The following MAD1L1 variants were observed in gnomAD, a reference collection of about 807,000 sequenced individuals.
The protein encoded by MAD1L1 is mitotic arrest deficient 1 like 1, also known as mitotic spindle assembly checkpoint protein MAD1.
In MAD1L1, 95 loss-of-function variants were observed where a neutral mutation model predicts 96.9. The observed-to-expected ratio is 0.98, with a 90% CI of 0.83 to 1.16. The LOEUF (loss-of-function observed/expected upper bound fraction) is 1.16. Ranked by LOEUF, MAD1L1 falls within the 50% of genes most tolerant of loss-of-function variation. MAD1L1 has a pLI of 0.00. For synonymous variants in MAD1L1, 473 were observed against 396.6 expected (o/e 1.19, Z -2.29); for missense variants, 1,007 against 954.4 (o/e 1.06, Z -0.73).
intron 11 of MAD1L1, among the ~76,000 whole-genome samples, chr7:2,079,038 G>T (rs1264613732): frequency 6.6e-6 from 1 of 152,160 alleles, no homozygotes; most frequent in Non-Finnish European, 1.5e-5. Flanking sequence ...GGCAAGTGCA[G>T]GGGCTTGGCC....
At chr7:1,955,072 C>T (rs1408561426) in intron 16 of MAD1L1, among the ~76,000 whole-genome samples, 3 of 152,220 alleles carry the variant, frequency 2.0e-5, no homozygotes, top group Admixed American at 6.5e-5. Context: ...CAGCGGCACT[C>T]GCGCCCAGCT....
intron 18 of MAD1L1, among the ~76,000 whole-genome samples, chr7:1,860,121 T>C (rs536662358): frequency 2.8e-5 from 4 of 142,630 alleles, no homozygotes; most frequent in Admixed American, 2.1e-4. Context: ...TCTGTGTCCC[T>C]AGACCTGACA....
chr7:2,063,169 A>G (rs891159732), intron 12 of MAD1L1, among the ~76,000 whole-genome samples: 2 of 152,216 alleles, frequency 1.3e-5, no homozygotes, highest in South Asian at 2.1e-4. Flanking sequence ...TATATGTTCT[A>G]TATGATCTTT....
At chr7:2,082,261 C>T (rs1405610718) in intron 11 of MAD1L1, among the ~76,000 whole-genome samples, 1 of 151,518 alleles carries the variant, frequency 6.6e-6, no homozygotes. Flanking sequence ...ACCAGAAAAG[C>T]CAGGGAAGGA....
intron 18 of MAD1L1, among the ~76,000 whole-genome samples, chr7:1,891,037 C>T (rs1262179895): frequency 6.6e-6 from 1 of 152,206 alleles, no homozygotes; most frequent in Non-Finnish European, 1.5e-5. Flanking sequence ...GCCACCTCCC[C>T]TTCCCCTGCT....
chr7:1,850,227 G>A (rs574150900), intron 18 of MAD1L1, among the ~76,000 whole-genome samples: 1 of 152,230 alleles, frequency 6.6e-6, no homozygotes, highest in African/African-American at 2.4e-5. Context: ...CAACAGGACG[G>A]AACCGACAGG....
chr7:1,918,930 T>C (rs1245348919), intron 17 of MAD1L1, among the ~76,000 whole-genome samples: 1 of 150,096 alleles, frequency 6.7e-6, no homozygotes, highest in Non-Finnish European at 1.5e-5. Flanking sequence ...TGAGAGCACG[T>C]GGCAGGGCAG....
chr7:2,227,892 C>A (rs1234005833), intron 3 of MAD1L1, among the ~76,000 whole-genome samples: 2 of 152,172 alleles, frequency 1.3e-5, no homozygotes, highest in Non-Finnish European at 2.9e-5. Context: ...GAGCTGACTA[C>A]AACGGAAAGA....
chr7:1,980,421 G>A, intron 15 of MAD1L1, 32 bp downstream of exon 15: 1 of 1,571,436 alleles, frequency 6.4e-7, no homozygotes, highest in East Asian at 2.3e-5. Flanking sequence ...GGACACACCT[G>A]GGCGTGTCCG....
chr7:1,870,576 G>GCCTGCCACGCTGAACCCACCGTAACA (rs1785010703), intron 18 of MAD1L1, among the ~76,000 whole-genome samples: 1 of 127,296 alleles, frequency 7.9e-6, no homozygotes, highest in Non-Finnish European at 1.6e-5. Context: ...CCCAACATAC[G>GCCTGCCACGCTGAACCCACCGTAACA]CCTGCCACGC....
intron 10 of MAD1L1, among the ~76,000 whole-genome samples, chr7:2,203,834 G>T (rs1286480820): frequency 6.6e-6 from 1 of 152,160 alleles, no homozygotes; most frequent in Non-Finnish European, 1.5e-5. Context: ...AGACGAACCG[G>T]GGCCAAGCAC....
chr7:1,986,299 A>G (rs918096413), intron 14 of MAD1L1, among the ~76,000 whole-genome samples: 2 of 152,078 alleles, frequency 1.3e-5, no homozygotes, highest in African/African-American at 4.8e-5. Flanking sequence ...CCCTCAGCTC[A>G]GCACCAACCT....
At chr7:1,871,644 C>G (rs1264767304) in intron 18 of MAD1L1, among the ~76,000 whole-genome samples, 3 of 149,756 alleles carry the variant, frequency 2.0e-5, no homozygotes, top group Non-Finnish European at 4.4e-5. Flanking sequence ...ACCCAACATA[C>G]GCCTGCCATG....
At chr7:1,994,391 G>A (rs1260858579) in intron 14 of MAD1L1, among the ~76,000 whole-genome samples, 8 of 152,196 alleles carry the variant, frequency 5.3e-5, no homozygotes, top group Non-Finnish European at 1.2e-4. Context: ...CCTCAGAGGG[G>A]GAGCAGCACA....
At chr7:1,818,517 G>A (rs551358734) in intron 18 of MAD1L1, among the ~76,000 whole-genome samples, 43 of 152,216 alleles carry the variant, frequency 2.8e-4, no homozygotes, top group African/African-American at 1.0e-3. Context: ...CAGTTGGAAT[G>A]ACAGGCATGT....
intron 14 of MAD1L1, among the ~76,000 whole-genome samples, chr7:1,995,381 C>T (rs550469614): frequency 2.6e-5 from 4 of 152,300 alleles, no homozygotes; most frequent in South Asian, 2.1e-4. Context: ...TCCCAGCACA[C>T]GAACTCACTT....
At chr7:2,078,470 G>A (rs1330380304) in intron 11 of MAD1L1, among the ~76,000 whole-genome samples, 5 of 152,336 alleles carry the variant, frequency 3.3e-5, no homozygotes, top group African/African-American at 4.8e-5. Flanking sequence ...CGGGGCCTCC[G>A]CGGCTGAGCC....
Position 2,146,399 on chromosome 7 carries a change from G to A in MAD1L1, c.1073+2753C>T, listed in dbSNP as rs139182653. On this transcript the variant is annotated intron_variant, in intron 11 of 18. Transcript: ENST00000265854. The surrounding 1 kb of genome is among the most constrained non-coding windows in gnomAD (Gnocchi z 6.2). ...GGCAACGCCTCGAAGAGGGAGCACC[G>A]GGCACTGGGCTACGAGGAACAGGGC... 2.0e-5 allele frequency among the ~76,000 whole-genome samples: 3 copies of A among 152,230 alleles called. No homozygotes were observed. Among genetic ancestry groups the A allele is most frequent in the Non-Finnish European group, 2.9e-5 (2 of 68,024 alleles).
chr7:2,071,770 G>A (rs1449704323), intron 11 of MAD1L1, among the ~76,000 whole-genome samples: 1 of 152,026 alleles, frequency 6.6e-6, no homozygotes, highest in African/African-American at 2.4e-5. Flanking sequence ...CCTGGAGGGT[G>A]GTGGCCTCCA....
Sources: allele counts gnomAD v4.1 joint callset (sites outside exome capture counted in the v4.1 genomes callset), GRCh38; gene constraint gnomAD v4.1.1; non-coding constraint Gnocchi (gnomAD v3.1); transcripts MANE v1.5; gene names NCBI Gene and HGNC (gene_info 2026-07-23, HGNC 2026-07-21).